Variants in MYH14 observed in about 807,000 individuals in gnomAD.
The protein encoded by MYH14 is myosin-14.
Under a neutral mutation model 255.5 loss-of-function variants are expected in MYH14, and 123 were observed. The observed-to-expected ratio is 0.48, with a 90% confidence interval of 0.42 to 0.56. MYH14 has a LOEUF of 0.56. Ranked by LOEUF, MYH14 falls within the 20% of genes least tolerant of loss-of-function variation. The pLI is 0.00. For synonymous variants in MYH14, 1,095 were observed against 1,161.2 expected (o/e 0.94, Z 1.16); for missense variants, 2,423 against 2,802.3 (o/e 0.86, Z 3.06).
intron 19 of MYH14, among the ~76,000 whole-genome samples, chr19:50,260,004 C>T (rs1017600371): frequency 9.9e-5 from 15 of 151,974 alleles, no homozygotes; most frequent in African/African-American, 3.4e-4. Context: ...AGAGCAGCAC[C>T]GTCCCTTAGA....
intron 10 of MYH14, among the ~76,000 whole-genome samples, chr19:50,239,262 G>A (rs1001052880): frequency 1.3e-5 from 2 of 152,104 alleles, no homozygotes; most frequent in African/African-American, 2.4e-5. Flanking sequence ...CAGGTGAACC[G>A]CCTGCCTCGG....
chr19:50,205,319 G>C (rs1306015010), intron 1 of MYH14: 4 of 154,224 alleles, frequency 2.6e-5, no homozygotes, highest in Non-Finnish European at 5.8e-5. Context: ...CGCCGCCGCC[G>C]CCCACCTGGC....
intron 1 of MYH14, among the ~76,000 whole-genome samples, chr19:50,205,825 A>G (rs2031712118): frequency 1.3e-5 from 2 of 149,940 alleles, no homozygotes; most frequent in African/African-American, 2.5e-5. Flanking sequence ...TGGGGGCCTG[A>G]ACTCCTGGGT....
rs778802280 is a variant in MYH14 at position 50,244,312 on chromosome 19, T to G, written c.1185T>G (p.Asp395Glu). Residue 395 changes from aspartate to glutamate, a missense_variant, in exon 11 of 43, where the codon GAT becomes GAG. By Grantham distance (45) the Asp-to-Glu change is conservative (BLOSUM62 2). This residue lies in a region of MYH14 where 672 missense variants were observed against 881.8 expected (regional missense o/e 0.76). Coordinates refer to ENST00000642316, the MANE Select transcript of MYH14 (RefSeq NM_001145809.2). ...CCTTGAAGAGAGAACGGAACACCGA[T>G]CAAGCCACCATGCCTGACAACACAG... ...NIALKRERNT[D>E]QATMPDNTAA... is the part of the protein sequence containing the mutation. 6.2e-7 allele frequency: 1 copy of G among 1,613,558 alleles called. No individual in the cohort carries two copies. Among genetic ancestry groups the G allele is most frequent in the South Asian group, 1.1e-5 (1 of 91,076 alleles).
At chr19:50,243,694 TC>T (rs1259877321) in intron 10 of MYH14, among the ~76,000 whole-genome samples, 1 of 152,240 alleles carries the variant, frequency 6.6e-6, no homozygotes, top group Non-Finnish European at 1.5e-5. Flanking sequence ...TTATATTTCC[TC>T]CCTTTTGCAC....
intron 12 of MYH14, 83 bp downstream of exon 12, chr19:50,247,205 C>T: frequency 1.0e-6 from 1 of 965,600 alleles, no homozygotes; most frequent in Non-Finnish European, 1.6e-6. Flanking sequence ...GCTGTTTTTC[C>T]CACCACTCAA....
chr19:50,285,346 C>T (rs1266918195), intron 33 of MYH14: 1 of 152,202 alleles, frequency 6.6e-6, no homozygotes, highest in Non-Finnish European at 1.5e-5. Flanking sequence ...GAAGAACTGA[C>T]ATCATAACAA....
chr19:50,281,830 C>G lies in MYH14; in HGVS notation c.4527C>G (p.Arg1509=). 1 of 1,610,788 alleles carries G rather than the reference C, an allele frequency of 6.2e-7. No homozygotes were observed. The highest frequency in any genetic ancestry group is 1.1e-5 in the South Asian group (1 of 91,000). Reference sequence around the variant, plus strand: ...TGAGCACCCTGGAGAAGAAGCAGCGCAAGTTTGACCAGGTGGGGCACCTCA... The same window carrying G: ...TGAGCACCCTGGAGAAGAAGCAGCGGAAGTTTGACCAGGTGGGGCACCTCA... ...QLVSTLEKKQ[R]KFDQLLAEEK... The change falls in exon 33 of 43, where the codon CGC becomes CGG. Residue 1509 remains arginine (R), a synonymous_variant. Transcript: ENST00000642316.
chr19:50,211,391 T>G (rs2032188124), intron 2 of MYH14, among the ~76,000 whole-genome samples: 1 of 152,196 alleles, frequency 6.6e-6, no homozygotes, highest in African/African-American at 2.4e-5. Flanking sequence ...GCCTATCTAT[T>G]AATTCATTCA....
chr19:50,247,563 A>G (rs548193024), intron 12 of MYH14, among the ~76,000 whole-genome samples: 1 of 152,230 alleles, frequency 6.6e-6, no homozygotes, highest in African/African-American at 2.4e-5. Context: ...GCAACATGGT[A>G]TCCTAGAAAA....
At chr19:50,299,503 A>C (rs1235449184) in intron 39 of MYH14, among the ~76,000 whole-genome samples, 1 of 144,192 alleles carries the variant, frequency 6.9e-6, no homozygotes, top group Non-Finnish European at 1.5e-5. Context: ...CCTGGGAGGC[A>C]GAGGTTGCAG....
At chr19:50,289,726 G>A in intron 35 of MYH14, 78 bp downstream of exon 35, 2 of 1,352,810 alleles carry the variant, frequency 1.5e-6, no homozygotes, top group Non-Finnish European at 2.0e-6. Context: ...AAGAAGGGCA[G>A]CAAGGGGTCT....
intron 10 of MYH14, among the ~76,000 whole-genome samples, chr19:50,241,921 G>A (rs1600919345): frequency 1.3e-5 from 2 of 152,178 alleles, no homozygotes; most frequent in East Asian, 1.9e-4. Flanking sequence ...CTGGGATTAC[G>A]GGCGTGAGCC....
intron 39 of MYH14, among the ~76,000 whole-genome samples, chr19:50,299,793 A>C (rs927024732): frequency 6.6e-6 from 1 of 151,304 alleles, no homozygotes; most frequent in African/African-American, 2.4e-5. Context: ...AAAAATACAA[A>C]AATTAGCCAG....
At chr19:50,244,454 AC>A (rs1240761674) in intron 11 of MYH14, 117 bp downstream of exon 11, 2 of 717,448 alleles carry the variant, frequency 2.8e-6, no homozygotes, top group Non-Finnish European at 4.8e-6. Context: ...CCTGTCTCCA[AC>A]CCAGGATCAC....
intron 23 of MYH14, 42 bp downstream of exon 23, chr19:50,267,050 T>TG: frequency 1.6e-6 from 2 of 1,279,058 alleles, no homozygotes; most frequent in Non-Finnish European, 2.0e-6. Context: ...GTCTTCGGGG[T>TG]GGGGCTGTGT....
At chr19:50,216,307 T>C (rs1316807547) in intron 2 of MYH14, among the ~76,000 whole-genome samples, 1 of 151,736 alleles carries the variant, frequency 6.6e-6, no homozygotes, top group Non-Finnish European at 1.5e-5. Context: ...AGACCCTGTG[T>C]CTACAAAAAA....
rs1053505995 is a variant in MYH14 at position 50,252,234 on chromosome 19, G to A, written c.1831-405G>A. Among the ~76,000 whole-genome samples the A allele has an allele frequency of 1.2e-4, 19 of 152,282 alleles. No homozygotes were observed. Among genetic ancestry groups the A allele is most frequent in the Middle Eastern group, 6.8e-3 (2 of 294 alleles). On this transcript the variant is annotated intron_variant, in intron 15 of 42. Coordinates refer to ENST00000642316, the MANE Select transcript of MYH14 (RefSeq NM_001145809.2). This position sits in a 1 kb window ranked among gnomAD's most constrained non-coding sequence, Gnocchi z 4.2. ...GCGGCCAAGATCGTGACTCTATGGA[G>A]CCCCACAGCAAAGCCCTGAGTACCC...
intron 10 of MYH14, among the ~76,000 whole-genome samples, chr19:50,244,002 T>A (rs1342769542): frequency 6.8e-6 from 1 of 147,760 alleles, no homozygotes; most frequent in Non-Finnish European, 1.5e-5. Context: ...TGAGATGGAG[T>A]CTTGCTGTGT....
Sources: allele counts gnomAD v4.1 joint callset (sites outside exome capture counted in the v4.1 genomes callset), GRCh38; gene constraint gnomAD v4.1.1; regional missense constraint gnomAD v4.1.1; non-coding constraint Gnocchi (gnomAD v3.1); transcripts MANE v1.5; gene names NCBI Gene and HGNC (gene_info 2026-07-23, HGNC 2026-07-21).